The following CSMD1 variants were observed in gnomAD, a reference collection of about 807,000 sequenced individuals.
The protein encoded by CSMD1 is CUB and sushi domain-containing protein 1.
Under a neutral mutation model 417.5 loss-of-function variants are expected in CSMD1, and 213 were observed. The observed-to-expected ratio is 0.51, with a 90% CI of 0.46 to 0.57. The LOEUF is 0.57. Among genes scored for constraint, CSMD1 ranks in the 20% least tolerant of loss-of-function variants. CSMD1 has a pLI of 0.00. For synonymous variants in CSMD1, 2,862 were observed against 1,736.8 expected, an observed-to-expected ratio of 1.65 and a Z score of -16.11; for missense variants, 6,923 against 4,529.7, an observed-to-expected ratio of 1.53 and a Z score of -15.17.
chr8:3,239,258 G>C (rs533593246), intron 26 of CSMD1, among the ~76,000 whole-genome samples: 18 of 152,258 alleles, frequency 1.2e-4, no homozygotes, highest in Admixed American at 5.9e-4. Context: ...CTGAAAAAAT[G>C]CTTGGCTGAT....
intron 2 of CSMD1, among the ~76,000 whole-genome samples, chr8:4,456,180 G>C (rs1799470873): frequency 6.6e-6 from 1 of 151,578 alleles, no homozygotes; most frequent in African/African-American, 2.4e-5. Flanking sequence ...GAAAAAGCAT[G>C]ACACAAACTT....
chr8:3,718,499 A>G (rs1801966257), intron 6 of CSMD1, among the ~76,000 whole-genome samples: 1 of 152,214 alleles, frequency 6.6e-6, no homozygotes, highest in African/African-American at 2.4e-5. Context: ...CTTACTTACA[A>G]TGTGAACCAT....
At chr8:3,765,247 G>T (rs546129941) in intron 5 of CSMD1, among the ~76,000 whole-genome samples, 1 of 151,960 alleles carries the variant, frequency 6.6e-6, no homozygotes, top group Non-Finnish European at 1.5e-5. Flanking sequence ...TCCTGCTTTC[G>T]CCCTTGATCC....
chr8:4,114,071 G>A (rs774280732), intron 3 of CSMD1, among the ~76,000 whole-genome samples: 6 of 152,192 alleles, frequency 3.9e-5, no homozygotes, highest in Non-Finnish European at 5.9e-5. Context: ...GATTTTCCAT[G>A]TAGACAAAAC....
At chr8:3,781,800 A>C (rs1267463777) in intron 5 of CSMD1, among the ~76,000 whole-genome samples, 1 of 152,198 alleles carries the variant, frequency 6.6e-6, no homozygotes, top group Non-Finnish European at 1.5e-5. Flanking sequence ...TTCCTTTTAA[A>C]AAAGTTATGA....
chr8:4,527,449 G>A lies in CSMD1; in HGVS notation c.303-107384C>T, dbSNP rs866008008. On this transcript the variant is annotated intron_variant, in intron 2 of 69. Transcript: ENST00000635120. ...TGCAATTGCCTTTACCTATCCTTCT[G>A]GCAGATCCTGTTTGCAAAGTTGGTG... Among the ~76,000 whole-genome samples, 7 of 152,150 alleles carry A rather than the reference G, an allele frequency of 4.6e-5. No individual in the cohort carries two copies. The Middle Eastern group carries it at 0.017, about 370-fold the overall frequency.
intron 3 of CSMD1, among the ~76,000 whole-genome samples, chr8:4,274,130 A>C (rs548111082): frequency 1.3e-5 from 2 of 152,212 alleles, no homozygotes; most frequent in Non-Finnish European, 2.9e-5. Context: ...CCATTATCTT[A>C]GAAGTGACTC....
chr8:3,459,631 A>C (rs1380089625), intron 12 of CSMD1, among the ~76,000 whole-genome samples: 1 of 151,904 alleles, frequency 6.6e-6, no homozygotes, highest in Admixed American at 6.6e-5. Context: ...CTGAAGGGTA[A>C]CTCCCGGACG....
intron 6 of CSMD1, among the ~76,000 whole-genome samples, chr8:3,709,678 A>ATCTTTTTTTTTTTTTTTTTTTTTTTTTT (rs1563296488): frequency 4.1e-5 from 1 of 24,320 alleles, no homozygotes; most frequent in South Asian, 1.7e-3. Context: ...TTGCAGCAGC[A>ATCTTTTTTTTTTTTTTTTTTTTTTTTTT]TGTTTTTTTT....
intron 50 of CSMD1, among the ~76,000 whole-genome samples, chr8:3,036,146 A>C (rs891405128): frequency 3.9e-5 from 6 of 152,238 alleles, no homozygotes; most frequent in African/African-American, 1.4e-4. Flanking sequence ...TTTGCATTTT[A>C]CTTAAGAAAT....
intron 6 of CSMD1, 70 bp downstream of exon 6, chr8:3,753,860 C>G: frequency 9.3e-7 from 1 of 1,072,900 alleles, no homozygotes; most frequent in Non-Finnish European, 1.4e-6. Flanking sequence ...CCTAAAATTT[C>G]ATGGCTAGAA....
At chr8:4,564,071 T>G (rs546894076) in intron 2 of CSMD1, among the ~76,000 whole-genome samples, 177 of 152,178 alleles carry the variant, frequency 1.2e-3, no homozygotes, top group Non-Finnish European at 9.3e-4. Context: ...ATCTTAAGTA[T>G]GTCATAAGCA....
At chr8:4,103,978 G>A (rs1801436053) in intron 3 of CSMD1, among the ~76,000 whole-genome samples, 1 of 152,170 alleles carries the variant, frequency 6.6e-6, no homozygotes, top group Non-Finnish European at 1.5e-5. Flanking sequence ...GTGAGCTCCT[G>A]ATGTTCTAAG....
At chr8:3,046,457 T>C (rs1197708832) in intron 50 of CSMD1, among the ~76,000 whole-genome samples, 3 of 152,212 alleles carry the variant, frequency 2.0e-5, no homozygotes, top group Non-Finnish European at 4.4e-5. Context: ...TGCTTCTTTT[T>C]ATTCCCTTCC....
At chr8:3,623,878 G>C (rs1239081053) in intron 7 of CSMD1, among the ~76,000 whole-genome samples, 3 of 152,078 alleles carry the variant, frequency 2.0e-5, no homozygotes, top group Non-Finnish European at 4.4e-5. Flanking sequence ...TCTGGAGGCT[G>C]AGGCAGGAGA....
At chr8:3,797,551 C>T (rs536538641) in intron 5 of CSMD1, among the ~76,000 whole-genome samples, 1 of 151,960 alleles carries the variant, frequency 6.6e-6, no homozygotes, top group South Asian at 2.1e-4. Flanking sequence ...AATTTGGATT[C>T]TGTCTCACAA....
intron 49 of CSMD1, among the ~76,000 whole-genome samples, chr8:3,057,150 C>G (rs1812285471): frequency 6.6e-6 from 1 of 151,990 alleles, no homozygotes; most frequent in African/African-American, 2.4e-5. Flanking sequence ...AAAAGATGGA[C>G]TCATTTTACA....
chr8:3,920,843 T>A (rs1253056192), intron 5 of CSMD1, among the ~76,000 whole-genome samples: 1 of 152,178 alleles, frequency 6.6e-6, no homozygotes, highest in Non-Finnish European at 1.5e-5. Context: ...TGGTGTATGA[T>A]CCCTTTAATG....
chr8:4,326,293 G>T (rs909303431), intron 3 of CSMD1, among the ~76,000 whole-genome samples: 5 of 152,058 alleles, frequency 3.3e-5, no homozygotes, highest in Non-Finnish European at 7.3e-5. Flanking sequence ...CTCAGACATA[G>T]CAAGGACAGC....
Sources: gnomAD v4.1 joint callset for allele counts (sites outside exome capture counted in the v4.1 genomes callset) on GRCh38, gnomAD v4.1.1 for gene constraint, MANE v1.5 for transcripts, NCBI Gene and HGNC (gene_info 2026-07-23, HGNC 2026-07-21) for gene names.